The following PLCL2 variants were observed in gnomAD, a reference collection of about 807,000 sequenced individuals.
PLCL2 encodes phospholipase C like 2.
A neutral mutation model predicts 79.6 loss-of-function variants in PLCL2; 4 were observed. That is an observed-to-expected ratio of 0.05 (90% CI 0.02 to 0.11). The LOEUF is 0.11. Among genes scored for constraint, PLCL2 ranks in the 10% least tolerant of loss-of-function variants. PLCL2 has a pLI of 1.00. For synonymous variants in PLCL2, 484 were observed against 457.7 expected (o/e 1.06, Z -0.73); for missense variants, 895 against 1,291.0 (o/e 0.69, Z 4.70).
chr3:16,900,346 A>G (rs1696588328), intron 1 of PLCL2, among the ~76,000 whole-genome samples: 2 of 152,354 alleles, frequency 1.3e-5, no homozygotes, highest in South Asian at 4.1e-4. Flanking sequence ...ATAAAATTAC[A>G]AATCATCCTT....
At chr3:17,008,584 A>G (rs2064286444) in intron 1 of PLCL2, among the ~76,000 whole-genome samples, 1 of 152,008 alleles carries the variant, frequency 6.6e-6, no homozygotes, top group Non-Finnish European at 1.5e-5. Flanking sequence ...CAGGTAACCC[A>G]GATGATTCTG....
intron 1 of PLCL2, among the ~76,000 whole-genome samples, chr3:16,935,710 A>T (rs1363598252): frequency 6.6e-6 from 1 of 152,186 alleles, no homozygotes; most frequent in Non-Finnish European, 1.5e-5. Context: ...ATTTGATGTT[A>T]TATATGTTGA....
At chr3:17,040,268 C>G (rs2064706126) in intron 3 of PLCL2, among the ~76,000 whole-genome samples, 1 of 152,142 alleles carries the variant, frequency 6.6e-6, no homozygotes, top group African/African-American at 2.4e-5. Flanking sequence ...GTTTAGGAGG[C>G]AGATGAGCTT....
chr3:17,087,783 T>A (rs2065236097), intron 5 of PLCL2, among the ~76,000 whole-genome samples: 1 of 152,184 alleles, frequency 6.6e-6, no homozygotes, highest in Non-Finnish European at 1.5e-5. Context: ...CTGCTCTGTT[T>A]TGCTGTGAAC....
At chr3:16,892,203 G>T (rs1696367463) in intron 1 of PLCL2, among the ~76,000 whole-genome samples, 1 of 152,196 alleles carries the variant, frequency 6.6e-6, no homozygotes, top group African/African-American at 2.4e-5. Flanking sequence ...GTGCTTCAAA[G>T]AAGAAATTTA....
At chr3:17,034,413 T>TA (rs1178968941) in intron 3 of PLCL2, among the ~76,000 whole-genome samples, 6 of 152,144 alleles carry the variant, frequency 3.9e-5, no homozygotes, top group Non-Finnish European at 5.9e-5. Context: ...TATTGGGAAA[T>TA]AAAAAAAATT....
At chr3:17,030,174 A>T (rs2124908642) in intron 3 of PLCL2, among the ~76,000 whole-genome samples, 1 of 151,920 alleles carries the variant, frequency 6.6e-6, no homozygotes, top group East Asian at 1.9e-4. Flanking sequence ...CGATCCTCCA[A>T]CCTCAACCTC....
chr3:16,929,390 A>G (rs1697342710), intron 1 of PLCL2, among the ~76,000 whole-genome samples: 1 of 152,166 alleles, frequency 6.6e-6, no homozygotes, highest in African/African-American at 2.4e-5. Context: ...AGGTTTCCCA[A>G]AAAGACTTCT....
At chr3:17,022,822 A>T (rs1268547755) in intron 3 of PLCL2, among the ~76,000 whole-genome samples, 1 of 152,178 alleles carries the variant, frequency 6.6e-6, no homozygotes, top group Non-Finnish European at 1.5e-5. Context: ...GAAAAAGAAA[A>T]TGTAACTTTC....
Position 17,011,555 on chromosome 3 carries a change from G to A in PLCL2, c.2209G>A (p.Val737Ile). The A allele has an allele frequency of 3.1e-6, 5 of 1,614,116 alleles. No homozygotes were observed. The highest frequency in any genetic ancestry group is 2.2e-5 in the East Asian group (1 of 44,872). ...VLRPAIMREE[V>I]SFFSANTKDS... is the part of the protein sequence containing the mutation. Reference sequence around the variant, plus strand: ...CCGGCCAGCCATCATGAGGGAGGAGGTCTCCTTCTTCAGCGCCAATACAAA... The same window carrying A: ...CCGGCCAGCCATCATGAGGGAGGAGATCTCCTTCTTCAGCGCCAATACAAA... The change falls in exon 2 of 6, where the codon GTC (valine) becomes ATC (isoleucine). Residue 737 changes from valine (V) to isoleucine (I), a missense_variant. Coordinates refer to ENST00000615277, the MANE Select transcript of PLCL2 (RefSeq NM_001144382.2). The surrounding 1 kb of genome is among the most constrained non-coding windows in gnomAD (Gnocchi z 7.9).
At chr3:16,943,756 T>A (rs2063576107) in intron 1 of PLCL2, among the ~76,000 whole-genome samples, 1 of 152,206 alleles carries the variant, frequency 6.6e-6, no homozygotes, top group African/African-American at 2.4e-5. Context: ...TTGCATGGTG[T>A]TTTTTGTAAG....
At chr3:16,909,129 T>C (rs1276032462) in intron 1 of PLCL2, among the ~76,000 whole-genome samples, 2 of 152,344 alleles carry the variant, frequency 1.3e-5, no homozygotes, top group East Asian at 3.8e-4. Flanking sequence ...AAAAGAAATA[T>C]TTTGCTTATT....
chr3:16,965,556 A>G (rs1430005325), intron 1 of PLCL2, among the ~76,000 whole-genome samples: 1 of 151,940 alleles, frequency 6.6e-6, no homozygotes, highest in African/African-American at 2.4e-5. Context: ...AATTCTGTGA[A>G]GAAAGTCATT....
In PLCL2 at chr3:16,911,963, A is replaced by G. The variant is rs575245740; in HGVS notation, c.327+26597A>G. 4.1e-3 allele frequency among the ~76,000 whole-genome samples: 617 copies of G among 152,334 alleles called. 2 individuals are homozygous for G. The highest frequency in any genetic ancestry group is 0.014 in the African/African-American group (579 of 41,572). ...AAAATTACCTTCAGGCTATATGTATAAGATGTATATGAAACATAAATGAAT... is the reference window on the plus strand; with the variant it reads ...AAAATTACCTTCAGGCTATATGTATGAGATGTATATGAAACATAAATGAAT... On this transcript the variant is annotated intron_variant, in intron 1 of 5. Coordinates refer to ENST00000615277, the MANE Select transcript of PLCL2 (RefSeq NM_001144382.2).
intron 1 of PLCL2, among the ~76,000 whole-genome samples, chr3:16,899,827 C>T (rs1355657696): frequency 6.7e-6 from 1 of 148,264 alleles, no homozygotes; most frequent in Non-Finnish European, 1.5e-5. Context: ...TTAAAATATC[C>T]CCCCCGCCGC....
intron 3 of PLCL2, among the ~76,000 whole-genome samples, chr3:17,021,595 T>TACACACACACAC (rs35902619): frequency 1.4e-5 from 2 of 146,488 alleles, no homozygotes; most frequent in Admixed American, 6.8e-5. Flanking sequence ...AAAGTATTCT[T>TACACACACACAC]ACACACACAC....
intron 5 of PLCL2, among the ~76,000 whole-genome samples, chr3:17,077,870 G>A (rs1018238846): frequency 1.3e-5 from 2 of 152,176 alleles, no homozygotes; most frequent in African/African-American, 4.8e-5. Context: ...GGCAGCCCCC[G>A]AGGTAGCTGC....
At chr3:17,076,326 G>A (rs144410065) in intron 5 of PLCL2, among the ~76,000 whole-genome samples, 1 of 151,732 alleles carries the variant, frequency 6.6e-6, no homozygotes, top group Non-Finnish European at 1.5e-5. Flanking sequence ...TTAGATATGT[G>A]AATTTGTAGT....
chr3:16,997,532 C>CTTTTTT (rs747893839), intron 1 of PLCL2, among the ~76,000 whole-genome samples: 1 of 131,694 alleles, frequency 7.6e-6, no homozygotes, highest in Non-Finnish European at 1.6e-5. Context: ...AATTTCTTTT[C>CTTTTTT]TTTTTTTTTT....
Sources: allele counts gnomAD v4.1 joint callset (sites outside exome capture counted in the v4.1 genomes callset), GRCh38; gene constraint gnomAD v4.1.1; non-coding constraint Gnocchi (gnomAD v3.1); transcripts MANE v1.5; gene names NCBI Gene and HGNC (gene_info 2026-07-23, HGNC 2026-07-21).